NIM1K: variants seen among roughly 807,000 people sequenced by gnomAD.
NIM1K encodes the protein serine/threonine-protein kinase NIM1.
In NIM1K, 35 loss-of-function variants were observed where a neutral mutation model predicts 37.1. The observed-to-expected ratio is 0.94, with a 90% CI of 0.72 to 1.25. The LOEUF (loss-of-function observed/expected upper bound fraction) is 1.25, where lower values mean the gene tolerates loss of function less well. Among genes scored for constraint, NIM1K ranks in the 50% most tolerant of loss-of-function variants. The pLI is 0.00. For synonymous variants in NIM1K, 234 were observed against 206.6 expected (o/e 1.13, Z -1.14); for missense variants, 564 against 548.0 (o/e 1.03, Z -0.29).
intron 1 of NIM1K, among the ~76,000 whole-genome samples, chr5:43,213,199 TTCTTTCTTTCTTTC>T (rs1752235813): frequency 1.5e-5 from 1 of 66,624 alleles, no homozygotes; most frequent in Non-Finnish European, 3.7e-5. Context: ...CTTTCTTTCT[TTCTTTCTTTCTTTC>T]TTTCTTTCTT....
intron 2 of NIM1K, among the ~76,000 whole-genome samples, chr5:43,247,008 G>A (rs1193081622): frequency 6.6e-6 from 1 of 152,124 alleles, no homozygotes; most frequent in Non-Finnish European, 1.5e-5. Flanking sequence ...CAGCCACCAT[G>A]TCTCCAAGGC....
At chr5:43,274,318 G>A (rs1753305343) in intron 2 of NIM1K, among the ~76,000 whole-genome samples, 1 of 152,218 alleles carries the variant, frequency 6.6e-6, no homozygotes. Context: ...AACACTCACT[G>A]TGGATAGAAT....
chr5:43,268,540 A>G (rs1327383674), intron 2 of NIM1K, among the ~76,000 whole-genome samples: 2 of 152,086 alleles, frequency 1.3e-5, no homozygotes, highest in Non-Finnish European at 2.9e-5. Context: ...AAGTGAAGCC[A>G]TCGGTGTCAG....
intron 2 of NIM1K, among the ~76,000 whole-genome samples, chr5:43,247,243 C>T (rs548877895): frequency 6.6e-6 from 1 of 152,292 alleles, no homozygotes; most frequent in South Asian, 2.1e-4. Flanking sequence ...TTCATGTCTT[C>T]ACATCTTGGC....
At chr5:43,250,676 G>C (rs1456744423) in intron 2 of NIM1K, among the ~76,000 whole-genome samples, 1 of 152,172 alleles carries the variant, frequency 6.6e-6, no homozygotes, top group Non-Finnish European at 1.5e-5. Context: ...GCCAAAAATC[G>C]AGACAGAAGA....
Position 43,277,084 on chromosome 5 carries a change from A to G in NIM1K, c.320A>G (p.Lys107Arg), listed in dbSNP as rs749791868. ...AAGGTGGCCATTAAGATCCTGGACA[A>G]GACCAAGTTAGACCAGAAAACCCAG... ...KEKVAIKILD[K>R]TKLDQKTQRL... Residue 107 changes from lysine (K) to arginine (R), a missense_variant, in exon 3 of 4, where the codon AAG becomes AGG. Physicochemically the swap from Lys to Arg is conservative, Grantham distance 26. Coordinates refer to ENST00000326035, the MANE Select transcript of NIM1K (RefSeq NM_153361.4). 1 of 1,614,060 alleles carries G rather than the reference A, an allele frequency of 6.2e-7. No homozygotes were observed. Among genetic ancestry groups the G allele is most frequent in the Non-Finnish European group, 8.5e-7 (1 of 1,179,974 alleles).
intron 1 of NIM1K, among the ~76,000 whole-genome samples, chr5:43,204,435 C>T (rs796368049): frequency 6.6e-6 from 1 of 151,740 alleles, no homozygotes; most frequent in African/African-American, 2.4e-5. Context: ...GGAGTGGTGG[C>T]TCACGCCTAT....
At chr5:43,253,943 G>A (rs1379797908) in intron 2 of NIM1K, among the ~76,000 whole-genome samples, 5 of 152,184 alleles carry the variant, frequency 3.3e-5, no homozygotes, top group Non-Finnish European at 5.9e-5. Flanking sequence ...TTACAGGCAT[G>A]AGCCACTGCG....
chr5:43,219,689 C>T (rs1752354639), intron 1 of NIM1K, among the ~76,000 whole-genome samples: 1 of 152,114 alleles, frequency 6.6e-6, no homozygotes, highest in South Asian at 2.1e-4. Flanking sequence ...AAAAACGTTT[C>T]CTGTTCTGTG....
chr5:43,194,920 A>G (rs1240735420), intron 1 of NIM1K: 1 of 152,210 alleles, frequency 6.6e-6, no homozygotes, highest in Non-Finnish European at 1.5e-5. Context: ...ACAAAAGCAA[A>G]GATTTTTGTC....
intron 2 of NIM1K, among the ~76,000 whole-genome samples, chr5:43,274,128 C>G (rs904956299): frequency 6.6e-6 from 1 of 152,174 alleles, no homozygotes; most frequent in African/African-American, 2.4e-5. Context: ...ATTGAGGCAC[C>G]TAGGGCAGAG....
At chr5:43,206,007 C>A (rs967401464) in intron 1 of NIM1K, among the ~76,000 whole-genome samples, 1 of 152,114 alleles carries the variant, frequency 6.6e-6, no homozygotes, top group African/African-American at 2.4e-5. Context: ...CTTCCGCGCC[C>A]GGCCTGCTTG....
At chr5:43,206,499 CAAAAAAAAAAA>C (rs11286972) in intron 1 of NIM1K, among the ~76,000 whole-genome samples, 1 of 83,444 alleles carries the variant, frequency 1.2e-5, no homozygotes, top group African/African-American at 5.0e-5. Flanking sequence ...GACCCTGCCT[CAAAAAAAAAAA>C]AAAAAAAAAA....
At position 43,277,162 on chromosome 5, in the gene NIM1K, T is replaced by A; in HGVS notation, c.398T>A (p.Ile133Asn). 7 of 1,613,980 alleles carry A rather than the reference T, an allele frequency of 4.3e-6. No homozygotes were observed. Among genetic ancestry groups the A allele is most frequent in the Non-Finnish European group, 5.1e-6 (6 of 1,179,962 alleles). Residue 133 changes from isoleucine to asparagine, a missense_variant, in exon 3 of 4, where the codon ATC (isoleucine) becomes AAC (asparagine). By Grantham distance (149) the Ile-to-Asn change is moderately radical. Coordinates refer to ENST00000326035, the MANE Select transcript of NIM1K (RefSeq NM_153361.4). ...ATGGAAAAGCTGCACCATCCCAACA[T>A]CATCCGCCTTTACGAAGTGGTGGAG... is the stretch of plus-strand genomic sequence containing the variant. ...SSMEKLHHPN[I>N]IRLYEVVETL...
intron 1 of NIM1K, among the ~76,000 whole-genome samples, chr5:43,234,998 T>A (rs1324227708): frequency 6.6e-6 from 1 of 152,228 alleles, no homozygotes; most frequent in Non-Finnish European, 1.5e-5. Context: ...TAATGTTTGA[T>A]CCCATTCAAA....
intron 1 of NIM1K, among the ~76,000 whole-genome samples, chr5:43,208,036 C>T (rs757747529): frequency 1.7e-4 from 26 of 152,098 alleles, no homozygotes; most frequent in South Asian, 2.1e-4. Context: ...GACAGCACAG[C>T]GAAGACTGCT....
intron 1 of NIM1K, chr5:43,207,666 T>G (rs957182661): frequency 3.5e-6 from 2 of 571,512 alleles, no homozygotes; most frequent in East Asian, 4.2e-5. Context: ...GCGCTGTTGC[T>G]CTATGAAGAA....
At chr5:43,214,258 C>A (rs772761885) in intron 1 of NIM1K, among the ~76,000 whole-genome samples, 1 of 152,104 alleles carries the variant, frequency 6.6e-6, no homozygotes, top group African/African-American at 2.4e-5. Context: ...ATATTTTTAG[C>A]CCTTAAACCA....
At chr5:43,226,452 G>A (rs1752458579) in intron 1 of NIM1K, among the ~76,000 whole-genome samples, 1 of 152,224 alleles carries the variant, frequency 6.6e-6, no homozygotes, top group Non-Finnish European at 1.5e-5. Flanking sequence ...ATTGGTGTAT[G>A]AGAGAGAAAG....
Sources: gnomAD v4.1 joint callset for allele counts (sites outside exome capture counted in the v4.1 genomes callset) on GRCh38, gnomAD v4.1.1 for gene constraint, MANE v1.5 for transcripts, NCBI Gene and HGNC (gene_info 2026-07-23, HGNC 2026-07-21) for gene names.